Variants in SHISA9 observed in about 807,000 individuals in gnomAD.
The protein encoded by SHISA9 is shisa family member 9, also known as protein shisa-9.
A neutral mutation model predicts 38.0 loss-of-function variants in SHISA9; 13 were observed. The ratio of observed to expected loss-of-function variants is 0.34; its 90% CI spans 0.22 to 0.54. The LOEUF is 0.54. Ranked by LOEUF, SHISA9 falls within the 20% of genes least tolerant of loss-of-function variation. SHISA9 has a pLI of 0.91. For synonymous variants in SHISA9, 275 were observed against 242.0 expected, an observed-to-expected ratio of 1.14 and a Z score of -1.27; for missense variants, 538 against 575.8, an observed-to-expected ratio of 0.93 and a Z score of 0.67.
At chr16:13,348,390 A>G in the SHISA9 span, among the ~76,000 whole-genome samples, 1 of 152,062 alleles carries the variant, frequency 6.6e-6, no homozygotes, top group Non-Finnish European at 1.5e-5. Flanking sequence ...GGCTCAACCT[A>G]TATTTCTCAC....
At chr16:13,299,019 C>G in the SHISA9 span, among the ~76,000 whole-genome samples, 1 of 152,180 alleles carries the variant, frequency 6.6e-6, no homozygotes, top group Non-Finnish European at 1.5e-5. Flanking sequence ...CTCCTCAGAG[C>G]TGCAAGGATA....
At chr16:13,121,092 G>A (rs1407767510) in intron 2 of SHISA9, among the ~76,000 whole-genome samples, 3 of 152,118 alleles carry the variant, frequency 2.0e-5, no homozygotes, top group African/African-American at 7.2e-5. Flanking sequence ...CCAGGAAGGT[G>A]AGGCTGCAGT....
At chr16:12,916,611 G>A in intron 1 of SHISA9, 77 bp from the exon 2 acceptor site, 1 of 1,475,836 alleles carries the variant, frequency 6.8e-7, no homozygotes, top group Non-Finnish European at 9.0e-7. Context: ...ATTTGTTCGC[G>A]ACTGCAGTAC....
At chr16:13,534,134 C>T in the SHISA9 span, among the ~76,000 whole-genome samples, 24 of 152,004 alleles carry the variant, frequency 1.6e-4, no homozygotes, top group Non-Finnish European at 2.9e-4. Flanking sequence ...TCCCTCCAAC[C>T]ACCACCCCAT....
Position 13,196,428 on chromosome 16 carries a change from C to A in SHISA9, c.692-6966C>A, listed in dbSNP as rs894316090. Among the ~76,000 whole-genome samples, 6 of 150,112 alleles carry A rather than the reference C, an allele frequency of 4.0e-5. No homozygotes were observed. The South Asian group carries it at 8.4e-4, about 21-fold the overall frequency. On this transcript the variant is annotated intron_variant, in intron 2 of 4. Transcript: ENST00000558583. ...AAAAAAAAGAAAGAAAAAAAAAAGT[C>A]CATTCTACAAGATATCTGACCCTGT...
At chr16:13,010,386 A>G (rs1438900176) in intron 2 of SHISA9, among the ~76,000 whole-genome samples, 1 of 152,200 alleles carries the variant, frequency 6.6e-6, no homozygotes, top group Non-Finnish European at 1.5e-5. Context: ...TTAAACCAAC[A>G]GTATCTTAGA....
chr16:13,528,817 T>C, the SHISA9 span, among the ~76,000 whole-genome samples: 2 of 152,196 alleles, frequency 1.3e-5, no homozygotes, highest in Non-Finnish European at 2.9e-5. Flanking sequence ...TAGCATATGC[T>C]CAATAAAAGT....
intron 2 of SHISA9, among the ~76,000 whole-genome samples, chr16:13,126,558 GGA>G (rs1233291803): frequency 7.0e-6 from 1 of 143,112 alleles, no homozygotes; most frequent in Non-Finnish European, 1.5e-5. Context: ...ACTGAGGGAG[GGA>G]GAGAGGGAGA....
the SHISA9 span, chr16:13,350,305 T>C: frequency 1.3e-5 from 2 of 152,284 alleles, no homozygotes; most frequent in African/African-American, 4.8e-5. Flanking sequence ...GGTTGAGAGT[T>C]ACACCATCGG....
chr16:12,992,499 T>C (rs1044357877), intron 2 of SHISA9, among the ~76,000 whole-genome samples: 1 of 151,794 alleles, frequency 6.6e-6, no homozygotes, highest in African/African-American at 2.4e-5. Flanking sequence ...GCCACTGGAC[T>C]CCAGCCTGGG....
At chr16:13,062,268 C>A (rs747584095) in intron 2 of SHISA9, among the ~76,000 whole-genome samples, 42 of 152,028 alleles carry the variant, frequency 2.8e-4, no homozygotes, top group Non-Finnish European at 5.1e-4. Context: ...AATCTGGTAA[C>A]CCTGGCTGTA....
the SHISA9 span, among the ~76,000 whole-genome samples, chr16:13,252,306 C>A: frequency 6.6e-6 from 1 of 152,176 alleles, no homozygotes; most frequent in African/African-American, 2.4e-5. Flanking sequence ...ATCCCTCCTC[C>A]AGGGGACATT....
At chr16:13,017,064 G>A (rs1196275847) in intron 2 of SHISA9, among the ~76,000 whole-genome samples, 3 of 150,744 alleles carry the variant, frequency 2.0e-5, no homozygotes, top group Non-Finnish European at 2.9e-5. Context: ...CTGTCACCCA[G>A]GCTGGAGTGC....
chr16:13,155,909 G>A (rs1053160975), intron 2 of SHISA9, among the ~76,000 whole-genome samples: 14 of 151,910 alleles, frequency 9.2e-5, no homozygotes, highest in South Asian at 2.1e-4. Flanking sequence ...AACAGTTGCC[G>A]AGGGAGCAAT....
the SHISA9 span, among the ~76,000 whole-genome samples, chr16:13,245,793 C>T: frequency 2.0e-5 from 3 of 152,160 alleles, no homozygotes; most frequent in Non-Finnish European, 4.4e-5. Flanking sequence ...TGGAATGAGG[C>T]TAGACCGACT....
chr16:13,116,179 G>A (rs1477858935), intron 2 of SHISA9, among the ~76,000 whole-genome samples: 1 of 152,070 alleles, frequency 6.6e-6, no homozygotes, highest in African/African-American at 2.4e-5. Context: ...GTGCACATAA[G>A]CTGATGCCTG....
chr16:13,398,604 C>T, the SHISA9 span, among the ~76,000 whole-genome samples: 5 of 151,686 alleles, frequency 3.3e-5, no homozygotes, highest in African/African-American at 7.3e-5. Context: ...ACCCCACCTC[C>T]GGTTCGAGCG....
chr16:12,914,845 C>G (rs1364978828), intron 1 of SHISA9, among the ~76,000 whole-genome samples: 1 of 152,214 alleles, frequency 6.6e-6, no homozygotes, highest in Non-Finnish European at 1.5e-5. Context: ...CTCAGGAGGG[C>G]TAGATGGATC....
At chr16:13,197,577 T>G (rs2142048062) in intron 2 of SHISA9, 1 of 152,250 alleles carries the variant, frequency 6.6e-6, no homozygotes, top group Middle Eastern at 3.4e-3. Context: ...AAGACGATTG[T>G]TGGATATACG....
Sources: gnomAD v4.1 joint callset for allele counts (sites outside exome capture counted in the v4.1 genomes callset) on GRCh38, gnomAD v4.1.1 for gene constraint, MANE v1.5 for transcripts, NCBI Gene and HGNC (gene_info 2026-07-23, HGNC 2026-07-21) for gene names.